The following RUSC1 variants were observed in gnomAD, a reference collection of about 807,000 sequenced individuals.
The protein encoded by RUSC1 is RUN and SH3 domain containing 1, also known as AP-4 complex accessory subunit RUSC1.
Under a neutral mutation model 72.1 loss-of-function variants are expected in RUSC1, and 40 were observed. The ratio of observed to expected loss-of-function variants is 0.55; its 90% CI spans 0.43 to 0.72. RUSC1 has a LOEUF of 0.72. RUSC1 is among the 30% of genes least tolerant of loss of function. The pLI is 0.00. For synonymous variants in RUSC1, 512 were observed against 494.2 expected (o/e 1.04, Z -0.48); for missense variants, 1,092 against 1,172.3 (o/e 0.93, Z 1.00).
chr1:155,328,014 T>A, intron 8 of RUSC1, 136 bp from the exon 9 acceptor site: 2 of 1,106,486 alleles, frequency 1.8e-6, no homozygotes, highest in Non-Finnish European at 2.6e-6. Context: ...ATGAACACTC[T>A]GCCCTCAGCA....
rs771106945 is a variant in RUSC1 at position 155,325,262 on chromosome 1, G to C, written c.1534-54G>C. 4 of 1,608,842 alleles carry C rather than the reference G, an allele frequency of 2.5e-6. No homozygotes were observed. Among genetic ancestry groups the C allele is most frequent in the Non-Finnish European group, 3.4e-6 (4 of 1,179,784 alleles). The stretch of plus-strand genomic sequence containing the variant: ...GTGCGGGAATGGTTGGCGGGAGGTG[G>C]CTGGGAGGTGTCTGGAGGGATCTCT... On this transcript the variant is annotated intron_variant, in intron 4 of 9. Transcript: ENST00000368352. This position sits in a 1 kb window ranked among gnomAD's most constrained non-coding sequence, Gnocchi z 6.5.
chr1:155,321,551 T>C, intron 1 of RUSC1, 137 bp from the exon 2 acceptor site: 1 of 1,344,754 alleles, frequency 7.4e-7, no homozygotes, highest in Non-Finnish European at 1.0e-6. Flanking sequence ...GGTCAGTCGA[T>C]TGCGATTTGC....
chr1:155,328,080 C>T lies in RUSC1; in HGVS notation c.2415-70C>T, dbSNP rs1341988122. 3 of 1,546,216 alleles carry T rather than the reference C, an allele frequency of 1.9e-6. No homozygotes were observed. In the East Asian group the frequency reaches 6.9e-5, roughly 35 times the overall value. On this transcript the variant is annotated intron_variant, in intron 8 of 9. Transcript: ENST00000368352. ...AATTAGGCCCCTTAGCCTCTCCCTC[C>T]CTCCAAACCCCAGGGTTCTTGGGTT...
chr1:155,323,526 C>T (rs531527730), intron 2 of RUSC1: 1 of 157,326 alleles, frequency 6.4e-6, no homozygotes, highest in Non-Finnish European at 1.4e-5. Context: ...CCGGGTGGCC[C>T]GGCGCCGGGC....
rs746397088 is a variant in RUSC1 at position 155,324,953 on chromosome 1, C to G, written c.1456+10C>G. On this transcript the variant is annotated intron_variant, in intron 3 of 9. Coordinates refer to ENST00000368352, the MANE Select transcript of RUSC1 (RefSeq NM_001105203.2). Reference sequence around the variant, plus strand: ...CAGGAGCAGAAGAAAGGTAGGGCACCCTGACTCCCGACCCCGCGCTTCCGA... The same window carrying G: ...CAGGAGCAGAAGAAAGGTAGGGCACGCTGACTCCCGACCCCGCGCTTCCGA... The G allele has an allele frequency of 6.2e-7, 1 of 1,613,988 alleles. No individual in the cohort carries two copies. The highest frequency in any genetic ancestry group is 1.3e-5 in the African/African-American group (1 of 74,932).
At chr1:155,324,218 C>T in intron 2 of RUSC1, 7 of 1,426,432 alleles carry the variant, frequency 4.9e-6, no homozygotes, top group Non-Finnish European at 6.4e-6. Flanking sequence ...GGTGAAGCTC[C>T]CGGGAGCTCA....
chr1:155,321,487 A>T, intron 1 of RUSC1: 1 of 1,474,742 alleles, frequency 6.8e-7, no homozygotes, highest in Non-Finnish European at 9.1e-7. Flanking sequence ...TCCCGGCTCC[A>T]TTCCCGGGGG....
Position 155,322,965 on chromosome 1 carries a change from C to T in RUSC1, c.1192C>T (p.Pro398Ser), listed in dbSNP as rs1267685345. Reference protein sequence around the residue: ...RDPPVGWALVPPRPPPPPVPP... With the variant: ...RDPPVGWALVSPRPPPPPVPP... The stretch of plus-strand genomic sequence containing the variant: ...CCCCCCAGTTGGCTGGGCTTTGGTC[C>T]CGCCCCGGCCCCCACCCCCGCCTGT... The change falls in exon 2 of 10, where the codon CCG becomes TCG. Residue 398 changes from proline (P) to serine (S), a missense_variant. Physicochemically the swap from Pro to Ser is moderately conservative, Grantham distance 74 (BLOSUM62 -1). Transcript: ENST00000368352. 6.6e-7 allele frequency: 1 copy of T among 1,516,294 alleles called. No individual in the cohort carries two copies. Among genetic ancestry groups the T allele is most frequent in the Non-Finnish European group, 8.9e-7 (1 of 1,121,396 alleles). The allele number at this position is 1,516,294 out of a possible 1,614,324, so 93.9% of individuals were successfully genotyped here. A position where few individuals can be genotyped will look rare whatever the true frequency, so the allele number is the denominator to read the frequency against.
Position 155,325,529 on chromosome 1 carries a change from C to G in RUSC1, c.1709-38C>G, listed in dbSNP as rs367735924. 6 of 1,605,264 alleles carry G rather than the reference C, an allele frequency of 3.7e-6. No individual in the cohort carries two copies. Among genetic ancestry groups the G allele is most frequent in the Non-Finnish European group, 5.1e-6 (6 of 1,178,986 alleles). On this transcript the variant is annotated intron_variant, in intron 5 of 9. Coordinates refer to ENST00000368352, the MANE Select transcript of RUSC1 (RefSeq NM_001105203.2). The surrounding 1 kb of genome is among the most constrained non-coding windows in gnomAD (Gnocchi z 6.5). Reference sequence around the variant, plus strand: ...GCGTGGGACCCGGCAGTGCGCAGGGCAGGGCCGGGCTTGGCTGACTGCACC... The same window carrying G: ...GCGTGGGACCCGGCAGTGCGCAGGGGAGGGCCGGGCTTGGCTGACTGCACC...
Position 155,325,362 on chromosome 1 carries a change from T to G in RUSC1, c.1580T>G (p.Val527Gly). 1 of 1,598,050 alleles carries G rather than the reference T, an allele frequency of 6.3e-7. No homozygotes were observed. The highest frequency in any genetic ancestry group is 8.5e-7 in the Non-Finnish European group (1 of 1,176,554). Residue 527 changes from valine (V) to glycine (G), a missense_variant, in exon 5 of 10, where the codon GTG becomes GGG. Coordinates refer to ENST00000368352, the MANE Select transcript of RUSC1 (RefSeq NM_001105203.2). The surrounding 1 kb of genome is among the most constrained non-coding windows in gnomAD (Gnocchi z 6.5). The stretch of plus-strand genomic sequence containing the variant: ...CTGAGCCCGGATGTGGGGCACCTGG[T>G]GCTGACCACCCTCTGCCCGGCCCTC... ...SRLSPDVGHL[V>G]LTTLCPALHA...
In RUSC1 at chr1:155,327,028, C is replaced by T. The variant is rs1651490084; in HGVS notation, c.2310C>T (p.Pro770=). Residue 770 remains proline (P), a synonymous_variant, in exon 8 of 10, where the codon CCC becomes CCT. Coordinates refer to ENST00000368352, the MANE Select transcript of RUSC1 (RefSeq NM_001105203.2). ...TAAEEGAQER[P]LPTDEMAPGR... is the part of the protein sequence containing the mutation. ...CTGAAGAAGGTGCACAGGAGAGACC[C>T]CTGCCCACAGATGAGATGGCACCAG... 6.2e-7 allele frequency: 1 copy of T among 1,613,390 alleles called. No homozygotes were observed. The highest frequency in any genetic ancestry group is 8.5e-7 in the Non-Finnish European group (1 of 1,180,040).
At chr1:155,327,163 T>G (rs981444542) in intron 8 of RUSC1, 31 bp downstream of exon 8, 15 of 1,551,772 alleles carry the variant, frequency 9.7e-6, no homozygotes, top group Non-Finnish European at 1.1e-5. Flanking sequence ...TTCTATGACC[T>G]TCTGACTCTC....
At chr1:155,324,455 A>G (rs759083232) in intron 2 of RUSC1, 1 of 1,612,304 alleles carries the variant, frequency 6.2e-7, no homozygotes, top group South Asian at 1.1e-5. Context: ...CGCAGGCAGG[A>G]CTGGGCCCCG....
In RUSC1 at chr1:155,324,841, C is replaced by A. The variant is rs1246809946; in HGVS notation, c.1358-4C>A. ...GTTACCGCGCCCTTCTTCCCTTACG[C>A]CAGTCCGTAGTTCGTGGTCCTTCGC... On this transcript the variant is annotated splice_region_variant and splice_polypyrimidine_tract_variant and intron_variant, in intron 2 of 9. Coordinates refer to ENST00000368352, the MANE Select transcript of RUSC1 (RefSeq NM_001105203.2). The A allele has an allele frequency of 1.2e-6, 2 of 1,614,254 alleles. No individual in the cohort carries two copies. The highest frequency in any genetic ancestry group is 2.2e-5 in the South Asian group (2 of 91,092).
rs369719515 is a variant in RUSC1 at position 155,325,271 on chromosome 1, T to C, written c.1534-45T>C. 13 of 1,606,524 alleles carry C rather than the reference T, an allele frequency of 8.1e-6. No homozygotes were observed. The highest frequency in any genetic ancestry group is 1.1e-5 in the Non-Finnish European group (13 of 1,179,454). ...TGGTTGGCGGGAGGTGGCTGGGAGG[T>C]GTCTGGAGGGATCTCTGGAGCCATC... On this transcript the variant is annotated intron_variant, in intron 4 of 9. Transcript: ENST00000368352. This position sits in a 1 kb window ranked among gnomAD's most constrained non-coding sequence, Gnocchi z 6.5.
rs41264225 is a variant in RUSC1 at position 155,330,591 on chromosome 1, G to C, written c.*20G>C. On this transcript the variant is annotated 3_prime_UTR_variant, in exon 10 of 10. Coordinates refer to ENST00000368352, the MANE Select transcript of RUSC1 (RefSeq NM_001105203.2). ...CTGTAGCCCTGGGACCCTTTCCTGCGTATGTGTCTCCTTCCTGTCACCTGG... is the reference window on the plus strand; with the variant it reads ...CTGTAGCCCTGGGACCCTTTCCTGCCTATGTGTCTCCTTCCTGTCACCTGG... 6.5e-7 allele frequency: 1 copy of C among 1,546,608 alleles called. No individual in the cohort carries two copies. The highest frequency in any genetic ancestry group is 8.7e-7 in the Non-Finnish European group (1 of 1,143,016).
Position 155,321,668 on chromosome 1 carries a change from T to G in RUSC1, c.-86-20T>G. ...AGCTCTTGTCCTCACTGGCCGGGCTTCACCACCTCTGTCTTCTAGGTCTGC... is the reference window on the plus strand; with the variant it reads ...AGCTCTTGTCCTCACTGGCCGGGCTGCACCACCTCTGTCTTCTAGGTCTGC... On this transcript the variant is annotated intron_variant, in intron 1 of 9. Transcript: ENST00000368352. 2 of 1,476,856 alleles carry G rather than the reference T, an allele frequency of 1.4e-6. No homozygotes were observed. Among genetic ancestry groups the G allele is most frequent in the South Asian group, 2.5e-5 (2 of 80,906 alleles). The allele number at this position is 1,476,856 out of a possible 1,614,324, so 91.5% of individuals were successfully genotyped here.
chr1:155,326,575 T>A lies in RUSC1; in HGVS notation c.1862-5T>A. The A allele has an allele frequency of 6.2e-7, 1 of 1,601,424 alleles. No homozygotes were observed. Among genetic ancestry groups the A allele is most frequent in the Non-Finnish European group, 8.5e-7 (1 of 1,172,176 alleles). ...AGGAGCTGATGTTGGCCTGCTCTTT[T>A]CCAGGCCTGCTCTCCCTCCTGTACC... On this transcript the variant is annotated splice_polypyrimidine_tract_variant and splice_region_variant and intron_variant, in intron 7 of 9. Transcript: ENST00000368352. This position sits in a 1 kb window ranked among gnomAD's most constrained non-coding sequence, Gnocchi z 4.7.
In RUSC1 at chr1:155,330,399, T is replaced by C. The variant is rs368437927; in HGVS notation, c.2541-4T>C. ...TCCCAGTATCTTCCTCTGGCTCCCC[T>C]CAGGGCAGTGCGGGCTCTCTGTGAT... On this transcript the variant is annotated splice_polypyrimidine_tract_variant and splice_region_variant and intron_variant, in intron 9 of 9. Coordinates refer to ENST00000368352, the MANE Select transcript of RUSC1 (RefSeq NM_001105203.2). 92 of 1,612,252 alleles carry C rather than the reference T, an allele frequency of 5.7e-5. No individual in the cohort carries two copies. Among genetic ancestry groups the C allele is most frequent in the Non-Finnish European group, 7.2e-5 (85 of 1,179,990 alleles).
Sources: allele counts gnomAD v4.1 joint callset, GRCh38; gene constraint gnomAD v4.1.1; non-coding constraint Gnocchi (gnomAD v3.1); transcripts MANE v1.5; gene names NCBI Gene and HGNC (gene_info 2026-07-23, HGNC 2026-07-21).